The following TNN variants were observed in gnomAD, a reference collection of about 807,000 sequenced individuals.
The protein encoded by TNN is tenascin N, also known as tenascin-N.
Under a neutral mutation model 134.4 loss-of-function variants are expected in TNN, and 122 were observed. The observed-to-expected ratio is 0.91, with a 90% confidence interval of 0.78 to 1.06. The LOEUF is 1.06. TNN is among the 50% of genes least tolerant of loss of function. The pLI, the probability that TNN is intolerant of heterozygous loss-of-function variation, is 0.00. For synonymous variants in TNN, 710 were observed against 670.3 expected (o/e 1.06, Z -0.91); for missense variants, 1,739 against 1,699.4 (o/e 1.02, Z -0.41).
At chr1:175,109,453 A>G (rs1463568574) in intron 9 of TNN, among the ~76,000 whole-genome samples, 1 of 151,854 alleles carries the variant, frequency 6.6e-6, no homozygotes, top group Non-Finnish European at 1.5e-5. Flanking sequence ...TACACTTCCT[A>G]GCCTCTGGCA....
chr1:175,117,098 G>A lies in TNN; in HGVS notation c.2279G>A (p.Ser760Asn), dbSNP rs1193448988. 8.1e-6 allele frequency: 13 copies of A among 1,614,254 alleles called. No individual in the cohort carries two copies. The highest frequency in any genetic ancestry group is 3.3e-5 in the South Asian group (3 of 91,086). Residue 760 changes from serine (S) to asparagine (N), a missense_variant, in exon 10 of 19, where the codon AGT becomes AAT. Physicochemically the swap from Ser to Asn is conservative, Grantham distance 46 (BLOSUM62 1). Coordinates refer to ENST00000239462, the MANE Select transcript of TNN (RefSeq NM_022093.2). ...TREVPVGKEQ[S>N]STVLTGLRPG... The stretch of plus-strand genomic sequence containing the variant: ...GAGGTTCCGGTGGGGAAGGAGCAGA[G>A]TAGCACTGTCCTGACGGGCCTGAGG...
Position 175,080,237 on chromosome 1 carries a change from C to T in TNN, c.859C>T (p.Gln287Ter). ...GCTGGTGAGCTGGGAGCCCTCCAGCCAGGTGGATCACTACCTCCTCAGCTA... is the reference window on the plus strand; with the variant it reads ...GCTGGTGAGCTGGGAGCCCTCCAGCTAGGTGGATCACTACCTCCTCAGCTA... ...SLLVSWEPSS[Q>*]VDHYLLSYYP... Residue 287 changes from glutamine (Q) to a stop codon, truncating the protein, a stop_gained, in exon 4 of 19, where the codon CAG (glutamine) becomes TAG (stop). Transcript: ENST00000239462. LOFTEE classifies it high-confidence loss of function. 6.2e-7 allele frequency: 1 copy of T among 1,614,118 alleles called. No homozygotes were observed.
chr1:175,092,545 T>C (rs1015264731), intron 6 of TNN, among the ~76,000 whole-genome samples: 4 of 152,228 alleles, frequency 2.6e-5, no homozygotes, highest in Admixed American at 2.6e-4. Flanking sequence ...CACTTTACTT[T>C]ATTTATAATT....
At position 175,083,800 on chromosome 1, in the gene TNN, C is replaced by T. The variant is rs150409725; in HGVS notation, c.1099C>T (p.Leu367Phe). The change falls in exon 5 of 19, where the codon CTT (leucine) becomes TTT (phenylalanine). Residue 367 changes from leucine to phenylalanine, a missense_variant. By Grantham distance (22) the Leu-to-Phe change is conservative. Transcript: ENST00000239462. ...GGTGACAGATGAGACTGAGAACTCC[C>T]TTGACGTGGAGTGGGAAAACCCCTC... The part of the protein sequence containing the change: ...AWVTDETENS[L>F]DVEWENPSTE... 1 of 1,614,070 alleles carries T rather than the reference C, an allele frequency of 6.2e-7. No homozygotes were observed. Among genetic ancestry groups the T allele is most frequent in the Non-Finnish European group, 8.5e-7 (1 of 1,180,026 alleles).
rs76467207 is a variant in TNN at position 175,073,647 on chromosome 1, T to C, written c.-35-3737T>C. 2.8e-3 allele frequency among the ~76,000 whole-genome samples: 425 copies of C among 152,298 alleles called. 1 individual carries two copies. The highest frequency in any genetic ancestry group is 4.3e-3 in the Non-Finnish European group (295 of 68,026). Reference sequence around the variant, plus strand: ...TCCCTCCACTTCTCTCTCCTTAACATGCATGGCTGCTTCTGGCTTCACCAG... The same window carrying C: ...TCCCTCCACTTCTCTCTCCTTAACACGCATGGCTGCTTCTGGCTTCACCAG... On this transcript the variant is annotated intron_variant, in intron 1 of 18. Coordinates refer to ENST00000239462, the MANE Select transcript of TNN (RefSeq NM_022093.2).
chr1:175,120,289 G>A (rs141579203), intron 11 of TNN, among the ~76,000 whole-genome samples: 3 of 152,280 alleles, frequency 2.0e-5, no homozygotes, highest in Non-Finnish European at 2.9e-5. Context: ...ATTTAAAACC[G>A]TAAATTATGC....
chr1:175,117,189 C>A lies in TNN; in HGVS notation c.2370C>A (p.Asp790Glu). 1 of 1,614,242 alleles carries A rather than the reference C, an allele frequency of 6.2e-7. No individual in the cohort carries two copies. Among genetic ancestry groups the A allele is most frequent in the Non-Finnish European group, 8.5e-7 (1 of 1,180,046 alleles). The change falls in exon 10 of 19, where the codon GAC becomes GAA. Residue 790 changes from aspartate to glutamate, a missense_variant. Coordinates refer to ENST00000239462, the MANE Select transcript of TNN (RefSeq NM_022093.2). ...GGGCCCAGGAGAGCAAGAAGGCTGA[C>A]ACCAAGGCCCAGACAGGTAAGGAGC... ...QKGAQESKKA[D>E]TKAQTDIDSP...
At chr1:175,086,552 T>C (rs1164535715) in intron 6 of TNN, among the ~76,000 whole-genome samples, 2 of 151,836 alleles carry the variant, frequency 1.3e-5, no homozygotes, top group Non-Finnish European at 2.9e-5. Context: ...AAAGAAGGAG[T>C]CTTTGAGTTT....
At chr1:175,115,809 G>C (rs1409520944) in intron 9 of TNN, among the ~76,000 whole-genome samples, 7 of 152,170 alleles carry the variant, frequency 4.6e-5, no homozygotes, top group Admixed American at 3.3e-4. Flanking sequence ...AGAGCTGTAG[G>C]AGATCCCAGT....
chr1:175,135,817 A>C, intron 15 of TNN, 28 bp from the exon 16 acceptor site: 1 of 1,573,698 alleles, frequency 6.4e-7, no homozygotes, highest in Non-Finnish European at 8.7e-7. Flanking sequence ...TTGGAGGGTC[A>C]GAGTGAAGTA....
At chr1:175,079,757 A>G (rs1264161560) in intron 3 of TNN, 50 bp downstream of exon 3, 9 of 1,522,274 alleles carry the variant, frequency 5.9e-6, no homozygotes, top group Non-Finnish European at 7.9e-6. Flanking sequence ...TTTCCAATGC[A>G]CCATTTAACC....
At chr1:175,109,129 C>CAA (rs1674952017) in intron 9 of TNN, among the ~76,000 whole-genome samples, 1 of 115,826 alleles carries the variant, frequency 8.6e-6, no homozygotes, top group Admixed American at 9.3e-5. Context: ...TCGCCCAGGC[C>CAA]GGACTGCGGA....
At chr1:175,103,375 G>A (rs1424694056) in intron 9 of TNN, among the ~76,000 whole-genome samples, 1 of 146,220 alleles carries the variant, frequency 6.8e-6, no homozygotes, top group African/African-American at 2.5e-5. Context: ...CAGTGAGGAG[G>A]TCTAGGCCTC....
chr1:175,100,294 T>G (rs761432644), intron 9 of TNN, among the ~76,000 whole-genome samples: 19 of 152,156 alleles, frequency 1.2e-4, no homozygotes, highest in Non-Finnish European at 2.2e-4. Context: ...CCACACTGAG[T>G]TGTGACAACC....
chr1:175,124,356 C>G (rs977808608), intron 12 of TNN, among the ~76,000 whole-genome samples: 2 of 152,092 alleles, frequency 1.3e-5, no homozygotes, highest in Non-Finnish European at 2.9e-5. Context: ...TATTTTCAAA[C>G]TAAATAGAGA....
At position 175,135,933 on chromosome 1, in the gene TNN, T is replaced by C. The variant is rs550501782; in HGVS notation, c.3419T>C (p.Phe1140Ser). The C allele has an allele frequency of 6.2e-7, 1 of 1,611,416 alleles. No homozygotes were observed. The highest frequency in any genetic ancestry group is 1.7e-5 in the Admixed American group (1 of 59,998). The change falls in exon 16 of 19, where the codon TTC becomes TCC. Residue 1140 changes from phenylalanine (F) to serine (S), a missense_variant. Transcript: ENST00000239462. Reference protein sequence around the residue: ...VEGFGDPMKEFWLGLDKLHNL... With the variant: ...VEGFGDPMKESWLGLDKLHNL... ...GGCTTTGGGGACCCCATGAAGGAGT[T>C]CTGGCTTGGTATGATCTCAGAATCC... is the stretch of plus-strand genomic sequence containing the variant.
At chr1:175,128,818 G>A in intron 15 of TNN, 72 bp downstream of exon 15, 4 of 1,448,874 alleles carry the variant, frequency 2.8e-6, no homozygotes, top group Non-Finnish European at 3.7e-6. Flanking sequence ...GGTCATGGAT[G>A]CTCCATAGAG....
At chr1:175,110,077 G>C in intron 9 of TNN, among the ~76,000 whole-genome samples, 1 of 152,116 alleles carries the variant, frequency 6.6e-6, no homozygotes, top group East Asian at 1.9e-4. Context: ...ATCTCAATGT[G>C]ATTTTGATTT....
intron 9 of TNN, among the ~76,000 whole-genome samples, chr1:175,116,376 G>A (rs529298532): frequency 1.8e-4 from 27 of 151,960 alleles, no homozygotes; most frequent in Admixed American, 3.3e-4. Context: ...TTTTCTCTTG[G>A]TTTACAGAGC....
Sources: gnomAD v4.1 joint callset for allele counts (sites outside exome capture counted in the v4.1 genomes callset) on GRCh38, gnomAD v4.1.1 for gene constraint, MANE v1.5 for transcripts, NCBI Gene and HGNC (gene_info 2026-07-23, HGNC 2026-07-21) for gene names.